The following RDX variants were observed in gnomAD, a reference collection of about 807,000 sequenced individuals.
RDX encodes the protein radixin.
In RDX, 32 loss-of-function variants were observed where a neutral mutation model predicts 83.7. That is an observed-to-expected ratio of 0.38 (90% confidence interval 0.29 to 0.51). The LOEUF is 0.51. Among genes scored for constraint, RDX ranks in the 20% least tolerant of loss-of-function variants. The pLI is 0.87. For missense variants in RDX, 600 were observed against 689.9 expected (o/e 0.87, Z 1.46); for synonymous variants, 229 against 222.7 (o/e 1.03, Z -0.25).
intron 3 of RDX, among the ~76,000 whole-genome samples, chr11:110,271,567 G>C (rs534044158): frequency 6.6e-6 from 1 of 152,150 alleles, no homozygotes; most frequent in Non-Finnish European, 1.5e-5. Context: ...TATCTGGGAA[G>C]CTTAAATTTT....
At chr11:110,210,633 C>G (rs553831053) in intron 14 of RDX, among the ~76,000 whole-genome samples, 1 of 150,762 alleles carries the variant, frequency 6.6e-6, no homozygotes, top group African/African-American at 2.5e-5. Context: ...AGACTAACAG[C>G]GGATCTCTCG....
chr11:110,264,155 T>C lies in RDX; in HGVS notation c.272A>G (p.Glu91Gly), dbSNP rs528974802. Reference protein sequence around the residue: ...RAKFFPEDVSEELIQEITQRL... With the variant: ...RAKFFPEDVSGELIQEITQRL... Reference sequence around the variant, plus strand: ...CTGGGTTATTTCTTGAATTAATTCCTCAGAAACATCTTCAGGAAAGAATTT... The same window carrying C: ...CTGGGTTATTTCTTGAATTAATTCCCCAGAAACATCTTCAGGAAAGAATTT... The change falls in exon 5 of 14, where the codon GAG becomes GGG. Residue 91 changes from glutamate to glycine, a missense_variant. Coordinates refer to ENST00000645495, the MANE Select transcript of RDX (RefSeq NM_002906.4). The C allele has an allele frequency of 6.2e-7, 1 of 1,611,840 alleles. No homozygotes were observed. The highest frequency in any genetic ancestry group is 8.5e-7 in the Non-Finnish European group (1 of 1,177,986).
chr11:110,198,897 C>A (rs894137500), intron 15 of RDX, among the ~76,000 whole-genome samples: 2 of 151,646 alleles, frequency 1.3e-5, no homozygotes, highest in South Asian at 4.2e-4. Flanking sequence ...CTCACTGCAA[C>A]CTGTGCCTCC....
intron 15 of RDX, among the ~76,000 whole-genome samples, chr11:110,196,354 G>C (rs1000377171): frequency 7.9e-5 from 12 of 152,182 alleles, no homozygotes; most frequent in Middle Eastern, 3.2e-3. Context: ...TGCCAGTGAG[G>C]AAATGTAATG....
intron 15 of RDX, among the ~76,000 whole-genome samples, chr11:110,179,618 C>A (rs1440012092): frequency 6.6e-6 from 1 of 152,024 alleles, no homozygotes; most frequent in Non-Finnish European, 1.5e-5. Context: ...ACTAAAAATA[C>A]AAAAATTAGC....
At chr11:110,217,101 C>T (rs540047775) in intron 14 of RDX, among the ~76,000 whole-genome samples, 51 of 152,318 alleles carry the variant, frequency 3.3e-4, no homozygotes, top group Middle Eastern at 3.4e-3. Context: ...TTGATTTAAA[C>T]AGAGGAACAA....
At chr11:110,296,218 G>A (rs1471593088) in intron 1 of RDX, among the ~76,000 whole-genome samples, 2 of 152,212 alleles carry the variant, frequency 1.3e-5, no homozygotes, top group East Asian at 1.9e-4. Flanking sequence ...GGCCAGGCAC[G>A]TTCGGGCCGC....
At position 110,264,787 on chromosome 11, in the gene RDX, T is replaced by G. The variant is rs997405742; in HGVS notation, c.184A>C (p.Asn62His). Residue 62 changes from asparagine to histidine, a missense_variant, in exon 4 of 14, where the codon AAT becomes CAT. Transcript: ENST00000645495. The part of the protein sequence containing the change: ...SKGYSTWLKL[N>H]KKVTQQDVKK... ...TATCGTACATATTTTACCTTTTTAT[T>G]TAGTTTAAGCCATGTAGAATAACCT... 1.2e-6 allele frequency: 2 copies of G among 1,607,798 alleles called. No individual in the cohort carries two copies. Among genetic ancestry groups the G allele is most frequent in the Non-Finnish European group, 1.7e-6 (2 of 1,174,684 alleles).
chr11:110,217,725 G>GC (rs1338583250), intron 14 of RDX, among the ~76,000 whole-genome samples: 1 of 152,152 alleles, frequency 6.6e-6, no homozygotes, highest in African/African-American at 2.4e-5. Flanking sequence ...ACTGAGATAC[G>GC]CCCTCGGCCC....
At chr11:110,246,600 C>G (rs1859115268) in intron 10 of RDX, among the ~76,000 whole-genome samples, 1 of 152,098 alleles carries the variant, frequency 6.6e-6, no homozygotes, top group Non-Finnish European at 1.5e-5. Flanking sequence ...CATGGCGAAA[C>G]CCTCTCTCTA....
At chr11:110,229,340 T>C (rs1864537605), downstream of RDX, 3 of 152,414 alleles carry the variant, frequency 2.0e-5, no homozygotes, top group African/African-American at 7.2e-5. Context: ...TTATTTCCTA[T>C]CTACTTCTTA....
chr11:110,296,032 G>A (rs981727258), intron 1 of RDX, among the ~76,000 whole-genome samples: 5 of 152,402 alleles, frequency 3.3e-5, no homozygotes, highest in Admixed American at 2.6e-4. Context: ...TACCTACGCT[G>A]AATATCTGGA....
At chr11:110,254,923 G>C (rs182483393) in intron 8 of RDX, among the ~76,000 whole-genome samples, 2 of 152,202 alleles carry the variant, frequency 1.3e-5, no homozygotes, top group Admixed American at 1.3e-4. Flanking sequence ...AGTTCATAAA[G>C]CAAAACTGTA....
At chr11:110,191,934 T>C (rs1385288079) in intron 15 of RDX, among the ~76,000 whole-genome samples, 1 of 152,108 alleles carries the variant, frequency 6.6e-6, no homozygotes, top group East Asian at 1.9e-4. Flanking sequence ...ATAGGAAGAA[T>C]CAATATTATT....
At chr11:110,227,663 T>C (rs1864477561), downstream of RDX, among the ~76,000 whole-genome samples, 2 of 152,106 alleles carry the variant, frequency 1.3e-5, no homozygotes. Context: ...GTCCCCTATA[T>C]AGGCCAAAAC....
chr11:110,267,063 T>C (rs1860079747), intron 3 of RDX, among the ~76,000 whole-genome samples: 1 of 150,304 alleles, frequency 6.7e-6, no homozygotes, highest in African/African-American at 2.5e-5. Flanking sequence ...CCACCAAACC[T>C]AGCTAATTTT....
At chr11:110,289,400 G>C (rs1467775470) in intron 1 of RDX, among the ~76,000 whole-genome samples, 1 of 152,094 alleles carries the variant, frequency 6.6e-6, no homozygotes, top group Non-Finnish European at 1.5e-5. Flanking sequence ...TTACCATGCT[G>C]CTTGTTGATT....
rs1864606877 is a variant in RDX at position 110,230,860 on chromosome 11, G to C, written c.*1009C>G. The C allele has an allele frequency of 6.6e-6, 1 of 152,580 alleles. No individual in the cohort carries two copies. Among genetic ancestry groups the C allele is most frequent in the African/African-American group, 2.4e-5 (1 of 41,444 alleles). 9.5% of individuals were successfully genotyped at this position (152,580 alleles called of 1,614,324 possible). A position where few individuals can be genotyped will look rare whatever the true frequency, so the allele number is the denominator to read the frequency against. ...ATACCTTACACACTCCATTGTGTTT[G>C]AACAACCAGTCATCACAGATGTAGT... On this transcript the variant is annotated 3_prime_UTR_variant, in exon 14 of 14. Coordinates refer to ENST00000645495, the MANE Select transcript of RDX (RefSeq NM_002906.4).
At chr11:110,277,015 T>G (rs928893450) in intron 2 of RDX, among the ~76,000 whole-genome samples, 12 of 152,230 alleles carry the variant, frequency 7.9e-5, no homozygotes, top group Non-Finnish European at 1.8e-4. Context: ...ATATCGTATA[T>G]TCATCTTTCT....
Sources: allele counts gnomAD v4.1 joint callset (sites outside exome capture counted in the v4.1 genomes callset), GRCh38; gene constraint gnomAD v4.1.1; transcripts MANE v1.5; gene names NCBI Gene and HGNC (gene_info 2026-07-23, HGNC 2026-07-21).